Variants in CDT1 observed in about 807,000 individuals in gnomAD.
The protein encoded by CDT1 is DNA replication factor Cdt1.
In CDT1, 66 loss-of-function variants were observed where a neutral mutation model predicts 49.3. That is an observed-to-expected ratio of 1.34 (90% CI 1.10 to 1.64). CDT1 has a LOEUF of 1.64. Ranked by LOEUF, CDT1 falls within the 40% of genes most tolerant of loss-of-function variation. The pLI, the probability that CDT1 is intolerant of heterozygous loss-of-function variation, is 0.00. For missense variants in CDT1, 958 were observed against 807.7 expected (o/e 1.19, Z -2.26); for synonymous variants, 424 against 347.4 (o/e 1.22, Z -2.45).
chr16:88,807,399 T>C lies in CDT1; in HGVS notation c.1394T>C (p.Phe465Ser), dbSNP rs777993968. ...PELARVLRSVFVSERKPALSM... is the reference protein window; with the variant it reads ...PELARVLRSVSVSERKPALSM... ...CTGGCCCGCGTGCTGCGGAGCGTCTTTGTGTCCGAACGCAAGCCTGCGCTC... is the reference window on the plus strand; with the variant it reads ...CTGGCCCGCGTGCTGCGGAGCGTCTCTGTGTCCGAACGCAAGCCTGCGCTC... Residue 465 changes from phenylalanine to serine, a missense_variant, in exon 9 of 10, where the codon TTT becomes TCT. Transcript: ENST00000301019. 3.1e-6 allele frequency: 5 copies of C among 1,612,870 alleles called. No homozygotes were observed. In the South Asian group the frequency reaches 3.3e-5, roughly 11 times the overall value.
Position 88,803,847 on chromosome 16 carries a change from G to A in CDT1, c.16G>A (p.Val6Ile). ...CTCCGCCGCCATGGAGCAGCGCCGC[G>A]TCACCGACTTCTTCGCGCGCCGCCG... The part of the protein sequence containing the change: MEQRR[V>I]TDFFARRRPG... Residue 6 changes from valine to isoleucine, a missense_variant, in exon 1 of 10, where the codon GTC (valine) becomes ATC (isoleucine). Val to Ile is a conservative substitution (Grantham distance 29, BLOSUM62 3). Coordinates refer to ENST00000301019, the MANE Select transcript of CDT1 (RefSeq NM_030928.4). 1 of 1,499,536 alleles carries A rather than the reference G, an allele frequency of 6.7e-7. No homozygotes were observed. Among genetic ancestry groups the A allele is most frequent in the Non-Finnish European group, 8.9e-7 (1 of 1,124,142 alleles). 92.9% of individuals were successfully genotyped at this position (1,499,536 alleles called of 1,614,324 possible).
Position 88,804,684 on chromosome 16 carries a change from G to C in CDT1, c.351+17G>C. On this transcript the variant is annotated intron_variant, in intron 2 of 9. Transcript: ENST00000301019. Reference sequence around the variant, plus strand: ...CAGGACCAGGTGAGGGGCGGGGCCTGGGGCAGATGCGGGAGGGCTGAGTGG... The same window carrying C: ...CAGGACCAGGTGAGGGGCGGGGCCTCGGGCAGATGCGGGAGGGCTGAGTGG... 1.9e-6 allele frequency: 3 copies of C among 1,612,348 alleles called. No homozygotes were observed. In the South Asian group the frequency reaches 3.3e-5, roughly 18 times the overall value.
At chr16:88,805,304 G>C (rs1348061791) in intron 3 of CDT1, 136 bp from the exon 4 acceptor site, 1 of 1,003,928 alleles carries the variant, frequency 1.0e-6, no homozygotes. Context: ...GTGCTGGTGG[G>C]TGTGCAAGGG....
chr16:88,807,543 T>A (rs1469970995), intron 9 of CDT1, 61 bp downstream of exon 9: 3 of 1,466,072 alleles, frequency 2.0e-6, no homozygotes, highest in Admixed American at 3.6e-5. Context: ...TGCAGCTGCC[T>A]CCCCAGCTTT....
chr16:88,806,261 T>G, intron 6 of CDT1, 140 bp downstream of exon 6: 1 of 1,017,750 alleles, frequency 9.8e-7, no homozygotes, highest in Non-Finnish European at 1.5e-6. Flanking sequence ...AGCTGAGGGC[T>G]GGTGTGCTCA....
At position 88,805,795 on chromosome 16, in the gene CDT1, G is replaced by T. The variant is rs148337159; in HGVS notation, c.758G>T (p.Arg253Leu). The T allele has an allele frequency of 6.2e-7, 1 of 1,613,146 alleles. No homozygotes were observed. Among genetic ancestry groups the T allele is most frequent in the East Asian group, 2.2e-5 (1 of 44,880 alleles). ...GCCTCCTACCGCTTCCGCCAGGAGC[G>T]CAGTGTCCCCACCTTCAAGGATGGC... ...YPASYRFRQERSVPTFKDGTR... is the reference protein window; with the variant it reads ...YPASYRFRQELSVPTFKDGTR... The change falls in exon 5 of 10, where the codon CGC becomes CTC. Residue 253 changes from arginine to leucine, a missense_variant. Coordinates refer to ENST00000301019, the MANE Select transcript of CDT1 (RefSeq NM_030928.4).
chr16:88,807,636 C>G (rs1443007379), intron 9 of CDT1, among the ~76,000 whole-genome samples, 154 bp downstream of exon 9: 2 of 152,318 alleles, frequency 1.3e-5, no homozygotes, highest in African/African-American at 4.8e-5. Flanking sequence ...GTCCTGGGCG[C>G]TCTGCCCTCC....
At chr16:88,804,118 G>A (rs901195333) in intron 1 of CDT1, 59 bp downstream of exon 1, 6 of 1,163,196 alleles carry the variant, frequency 5.2e-6, no homozygotes, top group African/African-American at 4.9e-5. Flanking sequence ...TGAGGCCCGG[G>A]GGGCAGGGCT....
At position 88,804,628 on chromosome 16, in the gene CDT1, A is replaced by C; in HGVS notation, c.312A>C (p.Ala104=). 6.2e-7 allele frequency: 1 copy of C among 1,612,690 alleles called. No homozygotes were observed. Among genetic ancestry groups the C allele is most frequent in the East Asian group, 2.2e-5 (1 of 44,860 alleles). ...PGQKIKKSTP[A]AGQPPHLTSA... is the part of the protein sequence containing the mutation. ...AGAAGATAAAGAAATCCACCCCGGCAGCAGGTCAGCCGCCCCACCTGACAT... is the reference window on the plus strand; with the variant it reads ...AGAAGATAAAGAAATCCACCCCGGCCGCAGGTCAGCCGCCCCACCTGACAT... Residue 104 remains alanine (A), a synonymous_variant, in exon 2 of 10, where the codon GCA becomes GCC. Coordinates refer to ENST00000301019, the MANE Select transcript of CDT1 (RefSeq NM_030928.4).
At position 88,805,496 on chromosome 16, in the gene CDT1, C is replaced by A; in HGVS notation, c.545C>A (p.Pro182Gln). 2 of 1,612,866 alleles carry A rather than the reference C, an allele frequency of 1.2e-6. No homozygotes were observed. Among genetic ancestry groups the A allele is most frequent in the Non-Finnish European group, 1.7e-6 (2 of 1,179,950 alleles). The change falls in exon 4 of 10, where the codon CCG (proline) becomes CAG (glutamine). Residue 182 changes from proline to glutamine, a missense_variant. Coordinates refer to ENST00000301019, the MANE Select transcript of CDT1 (RefSeq NM_030928.4). ...CATGCCCTGGCCCAGCCCGGCCTGC[C>A]GGGACTCGTGCTGCCCTACAAGTAC... ...RFHALAQPGL[P>Q]GLVLPYKYQV... is the part of the protein sequence containing the mutation.
Position 88,804,588 on chromosome 16 carries a change from G to A in CDT1, c.272G>A (p.Cys91Tyr). ...STPEAPDIPA[C>Y]PSPGQKIKKS... is the part of the protein sequence containing the mutation. ...CCCGAGGCCCCAGACATCCCAGCCT[G>A]CCCTTCTCCGGGCCAGAAGATAAAG... is the stretch of plus-strand genomic sequence containing the variant. Residue 91 changes from cysteine (C) to tyrosine (Y), a missense_variant, in exon 2 of 10, where the codon TGC becomes TAC. Cys to Tyr is a radical substitution (Grantham distance 194). Coordinates refer to ENST00000301019, the MANE Select transcript of CDT1 (RefSeq NM_030928.4). 5 of 1,613,042 alleles carry A rather than the reference G, an allele frequency of 3.1e-6. No homozygotes were observed. Among genetic ancestry groups the A allele is most frequent in the Non-Finnish European group, 4.2e-6 (5 of 1,179,928 alleles).
intron 2 of CDT1, 31 bp from the exon 3 acceptor site, chr16:88,804,725 CTGCCTG>C (rs1887147273): frequency 6.2e-6 from 10 of 1,612,728 alleles, no homozygotes; most frequent in Non-Finnish European, 7.6e-6. Flanking sequence ...GCCTGCCTGC[CTGCCTG>C]ACGGCACCGT....
intron 1 of CDT1, 92 bp downstream of exon 1, chr16:88,804,151 C>A: frequency 6.8e-6 from 4 of 589,880 alleles, no homozygotes; most frequent in Admixed American, 4.8e-5. Flanking sequence ...GGCGGAGGGA[C>A]GGGGGCGGGG....
At chr16:88,804,278 G>C (rs1908760107) in intron 1 of CDT1, among the ~76,000 whole-genome samples, 1 of 152,160 alleles carries the variant, frequency 6.6e-6, no homozygotes, top group Non-Finnish European at 1.5e-5. Flanking sequence ...GGCACTGGGG[G>C]GCTTGCACCG....
Position 88,809,193 on chromosome 16 carries a change from G to A in CDT1, c.*915G>A. The A allele has an allele frequency of 2.9e-6, 1 of 344,758 alleles. No individual in the cohort carries two copies. Among genetic ancestry groups the A allele is most frequent in the Non-Finnish European group, 5.7e-6 (1 of 174,702 alleles). The allele number at this position is 344,758 out of a possible 1,614,324, so 21.4% of individuals were successfully genotyped here. A position where few individuals can be genotyped will look rare whatever the true frequency, so the allele number is the denominator to read the frequency against. Reference sequence around the variant, plus strand: ...GAGCCTCCAGAAGGGACTGGCCTCTGCCCACACCTTGACTTCAGTATTTCT... The same window carrying A: ...GAGCCTCCAGAAGGGACTGGCCTCTACCCACACCTTGACTTCAGTATTTCT... On this transcript the variant is annotated 3_prime_UTR_variant, in exon 10 of 10. Transcript: ENST00000301019.
chr16:88,807,350 C>T lies in CDT1; in HGVS notation c.1345C>T (p.Gln449Ter). The T allele has an allele frequency of 5.6e-6, 9 of 1,612,610 alleles. No homozygotes were observed. The highest frequency in any genetic ancestry group is 7.6e-6 in the Non-Finnish European group (9 of 1,179,936). ...GTGCCCGGAGCAGGAGCAGCGGCTG[C>T]AGCGCTTAGAACGGCTGCCTGAGCT... The part of the protein sequence containing the change: ...TRCPEQEQRL[Q>*]RLERLPELAR... The change falls in exon 9 of 10, where the codon CAG becomes TAG. Residue 449 changes from glutamine to a stop codon, truncating the protein, a stop_gained. Coordinates refer to ENST00000301019, the MANE Select transcript of CDT1 (RefSeq NM_030928.4). LOFTEE classifies it high-confidence loss of function.
In CDT1 at chr16:88,804,002, C is replaced by T. The variant is rs1160560399; in HGVS notation, c.171C>T (p.Pro57=). Residue 57 remains proline, a synonymous_variant, in exon 1 of 10, where the codon CCC becomes CCT. Transcript: ENST00000301019. ...SRKRARPPAA[P]GRDQARPPAR... Reference sequence around the variant, plus strand: ...AGCGCGCCCGCCCGCCCGCCGCCCCCGGACGCGACCAGGCCAGGCCACCGG... The same window carrying T: ...AGCGCGCCCGCCCGCCCGCCGCCCCTGGACGCGACCAGGCCAGGCCACCGG... The T allele has an allele frequency of 1.4e-6, 2 of 1,455,990 alleles. No individual in the cohort carries two copies. Among genetic ancestry groups the T allele is most frequent in the South Asian group, 1.3e-5 (1 of 75,784 alleles). The allele number at this position is 1,455,990 out of a possible 1,614,324, so 90.2% of individuals were successfully genotyped here.
intron 7 of CDT1, 33 bp downstream of exon 7, chr16:88,806,707 C>T (rs919697144): frequency 6.4e-7 from 1 of 1,563,858 alleles, no homozygotes; most frequent in Admixed American, 1.9e-5. Context: ...GCCCATTTCT[C>T]CCGGGTGGGT....
Position 88,803,913 on chromosome 16 carries a change from C to A in CDT1, c.82C>A (p.Arg28Ser), listed in dbSNP as rs1198442469. Residue 28 changes from arginine to serine, a missense_variant, in exon 1 of 10, where the codon CGC becomes AGC. Arg to Ser is a moderately radical substitution (Grantham distance 110). Coordinates refer to ENST00000301019, the MANE Select transcript of CDT1 (RefSeq NM_030928.4). The stretch of plus-strand genomic sequence containing the variant: ...CATCGCGCCGCCCAAGCTGGCCTGC[C>A]GCACCCCCAGCCCCGCCAGGCCCGC... ...PRIAPPKLAC[R>S]TPSPARPALR... 1 of 1,390,538 alleles carries A rather than the reference C, an allele frequency of 7.2e-7. No individual in the cohort carries two copies. Among genetic ancestry groups the A allele is most frequent in the Non-Finnish European group, 9.4e-7 (1 of 1,067,938 alleles). The allele number at this position is 1,390,538 out of a possible 1,614,324, so 86.1% of individuals were successfully genotyped here.
Sources: allele counts gnomAD v4.1 joint callset (sites outside exome capture counted in the v4.1 genomes callset), GRCh38; gene constraint gnomAD v4.1.1; transcripts MANE v1.5; gene names NCBI Gene and HGNC (gene_info 2026-07-23, HGNC 2026-07-21).